Variants in PARD3 observed in about 807,000 individuals in gnomAD.
The protein encoded by PARD3 is partitioning defective 3 homolog.
Under a neutral mutation model 155.4 loss-of-function variants are expected in PARD3, and 75 were observed. The observed-to-expected ratio is 0.48, with a 90% CI of 0.40 to 0.58. PARD3 has a LOEUF of 0.58. Among genes scored for constraint, PARD3 ranks in the 20% least tolerant of loss-of-function variants. The pLI, the probability that PARD3 is intolerant of heterozygous loss-of-function variation, is 0.00. For missense variants in PARD3, 1,642 were observed against 1,721.7 expected, an observed-to-expected ratio of 0.95 and a Z score of 0.82; for synonymous variants, 576 against 610.5, an observed-to-expected ratio of 0.94 and a Z score of 0.83.
At chr10:34,608,875 T>C (rs893634254) in intron 2 of PARD3, among the ~76,000 whole-genome samples, 1 of 152,108 alleles carries the variant, frequency 6.6e-6, no homozygotes, top group African/African-American at 2.4e-5. Context: ...ACAATTTACA[T>C]AGCATTTATA....
At chr10:34,257,378 T>G (rs1431973790) in intron 22 of PARD3, among the ~76,000 whole-genome samples, 4 of 152,234 alleles carry the variant, frequency 2.6e-5, no homozygotes. Flanking sequence ...GCCATGGGTT[T>G]GTACTGTCTA....
chr10:34,277,271 C>CT (rs1393882306), intron 21 of PARD3, among the ~76,000 whole-genome samples: 5 of 152,136 alleles, frequency 3.3e-5, no homozygotes, highest in African/African-American at 1.2e-4. Context: ...CCATGGAAGG[C>CT]TTTATTGGGC....
chr10:34,384,114 C>CGA lies in PARD3; in HGVS notation c.1016+13_1016+14dup. The CGA allele has an allele frequency of 6.2e-7, 1 of 1,610,686 alleles. No homozygotes were observed. Among genetic ancestry groups the CGA allele is most frequent in the Non-Finnish European group, 8.5e-7 (1 of 1,178,122 alleles). The stretch of plus-strand genomic sequence containing the variant: ...AATGCAAGTAAGAACAGAAGTGCAG[C>CGA]GAGCACACACTTACTGTTCAAATCT... On this transcript the variant is annotated intron_variant, in intron 8 of 24. Coordinates refer to ENST00000374788, the MANE Select transcript of PARD3 (RefSeq NM_001184785.2).
intron 2 of PARD3, among the ~76,000 whole-genome samples, chr10:34,530,584 T>A (rs2082778678): frequency 6.6e-6 from 1 of 152,206 alleles, no homozygotes. Flanking sequence ...ATCCACAATC[T>A]CTTTAATGAT....
chr10:34,133,167 G>A (rs993841227), intron 22 of PARD3, among the ~76,000 whole-genome samples: 5 of 152,166 alleles, frequency 3.3e-5, no homozygotes, highest in Non-Finnish European at 5.9e-5. Flanking sequence ...GCACTGGGCT[G>A]GTTAACACTT....
chr10:34,401,727 G>A lies in PARD3; in HGVS notation c.806+99C>T, dbSNP rs1843902834. On this transcript the variant is annotated intron_variant, in intron 6 of 24. Coordinates refer to ENST00000374788, the MANE Select transcript of PARD3 (RefSeq NM_001184785.2). ...CAATGCACGGCATGTTTTTAACTAA[G>A]CACAAACATTCCTCATGCCATATGC... 4.9e-6 allele frequency: 4 copies of A among 820,712 alleles called. No individual in the cohort carries two copies. In the South Asian group the frequency reaches 5.4e-5, roughly 11 times the overall value. The allele number at this position is 820,712 out of a possible 1,614,324, so 50.8% of individuals were successfully genotyped here.
At chr10:34,569,644 C>T (rs1440991773) in intron 2 of PARD3, among the ~76,000 whole-genome samples, 1 of 152,046 alleles carries the variant, frequency 6.6e-6, no homozygotes, top group Non-Finnish European at 1.5e-5. Flanking sequence ...ATCTCCATCT[C>T]CTGATCTCGT....
At chr10:34,545,337 T>C (rs773168602) in intron 2 of PARD3, among the ~76,000 whole-genome samples, 2 of 151,898 alleles carry the variant, frequency 1.3e-5, no homozygotes, top group Non-Finnish European at 2.9e-5. Context: ...AACCTGGGAG[T>C]AGAGTTTTCA....
chr10:34,546,767 C>A lies in PARD3; in HGVS notation c.223-29608G>T, dbSNP rs184801841. Among the ~76,000 whole-genome samples the A allele has an allele frequency of 7.2e-3, 1,102 of 152,214 alleles. 16 individuals are homozygous for A. Among genetic ancestry groups the A allele is most frequent in the African/African-American group, 0.026 (1,061 of 41,536 alleles). On this transcript the variant is annotated intron_variant, in intron 2 of 24. Coordinates refer to ENST00000374788, the MANE Select transcript of PARD3 (RefSeq NM_001184785.2). ...TAGTTTTAATTTTCATTGGAATTAACCGAACTGGCTTTCCTATTATTTCAT... is the reference window on the plus strand; with the variant it reads ...TAGTTTTAATTTTCATTGGAATTAAACGAACTGGCTTTCCTATTATTTCAT...
At chr10:34,435,649 G>A (rs766291962) in intron 5 of PARD3, among the ~76,000 whole-genome samples, 33 of 152,288 alleles carry the variant, frequency 2.2e-4, no homozygotes, top group Non-Finnish European at 3.8e-4. Context: ...GTATGTTTAC[G>A]TTTGGCAAGA....
intron 22 of PARD3, among the ~76,000 whole-genome samples, chr10:34,226,208 A>C (rs543639707): frequency 6.6e-6 from 1 of 152,258 alleles, no homozygotes; most frequent in Non-Finnish European, 1.5e-5. Flanking sequence ...ATGCAAATTA[A>C]AATCATAAAA....
intron 4 of PARD3, among the ~76,000 whole-genome samples, chr10:34,469,051 TTAAA>T (rs1449355017): frequency 6.6e-6 from 1 of 152,152 alleles, no homozygotes; most frequent in Non-Finnish European, 1.5e-5. Flanking sequence ...AAAAAGCACA[TTAAA>T]TAAGAGGTGA....
intron 2 of PARD3, among the ~76,000 whole-genome samples, chr10:34,655,564 C>T (rs1167945096): frequency 2.0e-5 from 3 of 152,168 alleles, no homozygotes; most frequent in Non-Finnish European, 2.9e-5. Context: ...GCTTTCAAGA[C>T]CTTCCATTTT....
rs758431572 is a variant in PARD3, at chr10:34,269,733, G to C, written c.3343C>G (p.Arg1115Gly). 3 of 1,613,746 alleles carry C rather than the reference G, an allele frequency of 1.9e-6. No homozygotes were observed. Among genetic ancestry groups the C allele is most frequent in the Non-Finnish European group, 2.5e-6 (3 of 1,179,906 alleles). ...AAAGCATCCATCATATGCCCTTCTCGTGGGCTCTGAGGTCTAGCGTTGAGA... is the reference window on the plus strand; with the variant it reads ...AAAGCATCCATCATATGCCCTTCTCCTGGGCTCTGAGGTCTAGCGTTGAGA... ...MALNARPQSP[R>G]EGHMMDALYA... Residue 1115 changes from arginine to glycine, a missense_variant, in exon 22 of 25, where the codon CGA becomes GGA. This residue lies in a region of PARD3 where 1,529 missense variants were observed against 1,587.3 expected (regional missense o/e 0.96). Coordinates refer to ENST00000374788, the MANE Select transcript of PARD3 (RefSeq NM_001184785.2).
intron 2 of PARD3, among the ~76,000 whole-genome samples, chr10:34,683,221 A>G (rs2093879128): frequency 6.6e-6 from 1 of 152,132 alleles, no homozygotes; most frequent in African/African-American, 2.4e-5. Context: ...GAAACGATGG[A>G]CACTGGCGAC....
intron 1 of PARD3, among the ~76,000 whole-genome samples, chr10:34,768,574 C>T (rs577665932): frequency 2.6e-5 from 4 of 152,326 alleles, no homozygotes; most frequent in Admixed American, 6.5e-5. Flanking sequence ...ATAGAATGGG[C>T]GGCAGGTTTG....
intron 1 of PARD3, among the ~76,000 whole-genome samples, chr10:34,710,005 G>C (rs561736318): frequency 6.6e-6 from 1 of 152,084 alleles, no homozygotes; most frequent in Admixed American, 6.5e-5. Context: ...GGAGAGGCGG[G>C]GGGACAGGGA....
chr10:34,787,441 T>C (rs1841111499), intron 1 of PARD3, among the ~76,000 whole-genome samples: 1 of 152,152 alleles, frequency 6.6e-6, no homozygotes, highest in Non-Finnish European at 1.5e-5. Context: ...ACTAATCAGA[T>C]AACCAGATGA....
intron 5 of PARD3, among the ~76,000 whole-genome samples, chr10:34,416,059 C>A (rs1845644370): frequency 6.6e-6 from 1 of 152,164 alleles, no homozygotes; most frequent in Non-Finnish European, 1.5e-5. Flanking sequence ...GTTAGGTAAT[C>A]CATCTCCTGT....
Sources: allele counts gnomAD v4.1 joint callset (sites outside exome capture counted in the v4.1 genomes callset), GRCh38; gene constraint gnomAD v4.1.1; regional missense constraint gnomAD v4.1.1; transcripts MANE v1.5; gene names NCBI Gene and HGNC (gene_info 2026-07-23, HGNC 2026-07-21).